Variants in FMO1 observed in about 807,000 individuals in gnomAD.
FMO1 encodes flavin containing dimethylaniline monoxygenase 1.
A neutral mutation model predicts 45.4 loss-of-function variants in FMO1; 36 were observed. That is an observed-to-expected ratio of 0.79 (90% confidence interval 0.61 to 1.05). FMO1 has a LOEUF of 1.05. Among genes scored for constraint, FMO1 ranks in the 50% least tolerant of loss-of-function variants. FMO1 has a pLI of 0.00. For missense variants in FMO1, 615 were observed against 640.3 expected (o/e 0.96, Z 0.43); for synonymous variants, 228 against 227.2 (o/e 1.00, Z -0.03).
chr1:171,268,056 C>A (rs1162527324), intron 3 of FMO1, among the ~76,000 whole-genome samples: 2 of 152,176 alleles, frequency 1.3e-5, no homozygotes, highest in African/African-American at 4.8e-5. Flanking sequence ...GAACCACCAA[C>A]CCCCTTCCCC....
At chr1:171,274,148 C>CAAAA (rs36027678) in intron 3 of FMO1, among the ~76,000 whole-genome samples, 1 of 96,706 alleles carries the variant, frequency 1.0e-5, no homozygotes, top group African/African-American at 3.3e-5. Context: ...GACTCCATCT[C>CAAAA]AAAAAAAAAA....
intron 1 of FMO1, among the ~76,000 whole-genome samples, chr1:171,254,721 C>G (rs1427205985): frequency 6.6e-6 from 1 of 152,182 alleles, no homozygotes; most frequent in Non-Finnish European, 1.5e-5. Flanking sequence ...AGCCCCTACT[C>G]TCAGTGCTCC....
At position 171,258,126 on chromosome 1, in the gene FMO1, C is replaced by A. The variant is rs753656898; in HGVS notation, c.39C>A (p.Ser13Arg). Residue 13 changes from serine to arginine, a missense_variant, in exon 2 of 9, where the codon AGC becomes AGA. Physicochemically the swap from Ser to Arg is moderately radical, Grantham distance 110. Coordinates refer to ENST00000617670, the MANE Select transcript of FMO1 (RefSeq NM_001282693.2). ...KRVAIVGAGVSGLASIKCCLE... is the reference protein window; with the variant it reads ...KRVAIVGAGVRGLASIKCCLE... Reference sequence around the variant, plus strand: ...TTGCCATTGTGGGAGCTGGGGTCAGCGGCCTGGCCTCCATCAAGTGCTGTC... The same window carrying A: ...TTGCCATTGTGGGAGCTGGGGTCAGAGGCCTGGCCTCCATCAAGTGCTGTC... The A allele has an allele frequency of 2.5e-6, 4 of 1,614,006 alleles. No individual in the cohort carries two copies. The highest frequency in any genetic ancestry group is 2.2e-5 in the East Asian group (1 of 44,868).
intron 1 of FMO1, among the ~76,000 whole-genome samples, chr1:171,254,530 T>A (rs936433602): frequency 6.6e-6 from 1 of 152,108 alleles, no homozygotes; most frequent in Admixed American, 6.6e-5. Flanking sequence ...AAATAAGAGA[T>A]GAGCCAAAGA....
intron 5 of FMO1, among the ~76,000 whole-genome samples, chr1:171,279,884 AG>A (rs768769373): frequency 1.3e-5 from 2 of 152,102 alleles, no homozygotes; most frequent in African/African-American, 2.4e-5. Flanking sequence ...TCCTGTCTTT[AG>A]TTCCCCTTTG....
chr1:171,267,687 A>G lies in FMO1; in HGVS notation c.277A>G (p.Met93Val). 2 of 1,613,864 alleles carry G rather than the reference A, an allele frequency of 1.2e-6. No homozygotes were observed. The highest frequency in any genetic ancestry group is 1.7e-6 in the Non-Finnish European group (2 of 1,179,868). Reference protein sequence around the residue: ...PNSQFLEYLKMYANHFDLLKH... With the variant: ...PNSQFLEYLKVYANHFDLLKH... ...TTCTCAATTCCTGGAATATCTCAAA[A>G]TGTATGCAAACCACTTTGACCTTCT... The change falls in exon 3 of 9, where the codon ATG becomes GTG. Residue 93 changes from methionine (M) to valine (V), a missense_variant. Transcript: ENST00000617670.
chr1:171,278,725 A>G lies in FMO1; in HGVS notation c.485-4A>G, dbSNP rs1385174386. 6.4e-6 allele frequency: 10 copies of G among 1,566,242 alleles called. No individual in the cohort carries two copies. Among genetic ancestry groups the G allele is most frequent in the Non-Finnish European group, 8.7e-6 (10 of 1,149,842 alleles). On this transcript the variant is annotated splice_region_variant and splice_polypyrimidine_tract_variant and intron_variant, in intron 4 of 8. Coordinates refer to ENST00000617670, the MANE Select transcript of FMO1 (RefSeq NM_001282693.2). ...CTGTGTGACTTCTCTTTTATTTTCT[A>G]TAGGTATTAATGCCTTTAAAGGCCA...
intron 1 of FMO1, 78 bp from the exon 2 acceptor site, chr1:171,258,003 CT>C: frequency 1.3e-6 from 2 of 1,558,676 alleles, no homozygotes; most frequent in Non-Finnish European, 8.8e-7. Context: ...CTTCCAAATT[CT>C]TTTTCCTGGC....
At chr1:171,272,140 TA>T (rs1660897741) in intron 3 of FMO1, among the ~76,000 whole-genome samples, 1 of 152,304 alleles carries the variant, frequency 6.6e-6, no homozygotes, top group South Asian at 2.1e-4. Context: ...CAGCTGTGGC[TA>T]AAAGGGGCCA....
chr1:171,255,030 G>A (rs1382009591), intron 1 of FMO1, among the ~76,000 whole-genome samples: 1 of 152,158 alleles, frequency 6.6e-6, no homozygotes, highest in Non-Finnish European at 1.5e-5. Context: ...ACAAACTTGG[G>A]CTTAGCAATA....
intron 4 of FMO1, among the ~76,000 whole-genome samples, chr1:171,276,545 G>A (rs1367488725): frequency 1.3e-5 from 2 of 152,108 alleles, no homozygotes; most frequent in Admixed American, 6.6e-5. Context: ...TTCCAGAAAG[G>A]AGTACCTAGT....
chr1:171,282,073 A>G lies in FMO1; in HGVS notation c.923A>G (p.Glu308Gly). 1 of 1,613,788 alleles carries G rather than the reference A, an allele frequency of 6.2e-7. No homozygotes were observed. The highest frequency in any genetic ancestry group is 8.5e-7 in the Non-Finnish European group (1 of 1,179,724). Residue 308 changes from glutamate to glycine, a missense_variant, in exon 7 of 9, where the codon GAA becomes GGA. Coordinates refer to ENST00000617670, the MANE Select transcript of FMO1 (RefSeq NM_001282693.2). Reference sequence around the variant, plus strand: ...AGGCCAAGCATAAAAGAGGTAAAGGAAAACTCTGTCATATTTAACAATACT... The same window carrying G: ...AGGCCAAGCATAAAAGAGGTAAAGGGAAACTCTGTCATATTTAACAATACT... ...FIRPSIKEVKENSVIFNNTSK... is the reference protein window; with the variant it reads ...FIRPSIKEVKGNSVIFNNTSK...
chr1:171,274,374 A>T (rs999586584), intron 3 of FMO1, among the ~76,000 whole-genome samples: 2 of 151,748 alleles, frequency 1.3e-5, no homozygotes, highest in Non-Finnish European at 2.9e-5. Context: ...GATTCTCCCA[A>T]ATCAGCCTCC....
chr1:171,275,449 C>T lies in FMO1; in HGVS notation c.425C>T (p.Ala142Val). Residue 142 changes from alanine to valine, a missense_variant, in exon 4 of 9, where the codon GCT (alanine) becomes GTT (valine). Coordinates refer to ENST00000617670, the MANE Select transcript of FMO1 (RefSeq NM_001282693.2). ...AAGCAAGAGTCAGCCATCTTTGATG[C>T]TGTCATGGTCTGCACTGGCTTTCTT... The part of the protein sequence containing the change: ...EEKQESAIFD[A>V]VMVCTGFLTN... The T allele has an allele frequency of 1.9e-6, 3 of 1,613,498 alleles. No individual in the cohort carries two copies. In the East Asian group the frequency reaches 6.7e-5, roughly 36 times the overall value.
At chr1:171,258,004 T>G in intron 1 of FMO1, 78 bp from the exon 2 acceptor site, 6 of 1,559,646 alleles carry the variant, frequency 3.8e-6, no homozygotes, top group Non-Finnish European at 5.3e-6. Context: ...TTCCAAATTC[T>G]TTTTCCTGGC....
chr1:171,263,557 C>T (rs1413406885), intron 2 of FMO1, among the ~76,000 whole-genome samples: 2 of 152,164 alleles, frequency 1.3e-5, no homozygotes, highest in Non-Finnish European at 2.9e-5. Context: ...GCTGCAGGAC[C>T]AAAGTGGACC....
At chr1:171,254,257 T>G (rs7547562) in intron 1 of FMO1, among the ~76,000 whole-genome samples, 93,315 of 151,896 alleles carry the variant, frequency 0.61, 30,764 homozygotes, top group African/African-American at 0.87. Context: ...CCCAGCTAAC[T>G]TTTTTGTATT....
chr1:171,274,436 AT>A (rs199933090), intron 3 of FMO1, among the ~76,000 whole-genome samples: 11 of 151,016 alleles, frequency 7.3e-5, no homozygotes, highest in South Asian at 2.1e-4. Context: ...AATTTTTTGT[AT>A]TTTTTTTGTA....
chr1:171,262,142 T>A (rs1368883686), intron 2 of FMO1, among the ~76,000 whole-genome samples: 2 of 152,074 alleles, frequency 1.3e-5, no homozygotes, highest in African/African-American at 4.8e-5. Context: ...ATTAGAAAAA[T>A]AGAGAAGGTC....
Sources: allele counts gnomAD v4.1 joint callset (sites outside exome capture counted in the v4.1 genomes callset), GRCh38; gene constraint gnomAD v4.1.1; transcripts MANE v1.5; gene names NCBI Gene and HGNC (gene_info 2026-07-23, HGNC 2026-07-21).